Variants in PRMT9 observed in about 807,000 individuals in gnomAD.
PRMT9 encodes the protein protein arginine methyltransferase 9.
A neutral mutation model predicts 83.2 loss-of-function variants in PRMT9; 59 were observed. That is an observed-to-expected ratio of 0.71 (90% CI 0.57 to 0.88). The LOEUF is 0.88. Among genes scored for constraint, PRMT9 ranks in the 40% least tolerant of loss-of-function variants. The pLI, the probability that PRMT9 is intolerant of heterozygous loss-of-function variation, is 0.00. For synonymous variants in PRMT9, 333 were observed against 353.2 expected, an observed-to-expected ratio of 0.94 and a Z score of 0.64; for missense variants, 947 against 1,021.9, an observed-to-expected ratio of 0.93 and a Z score of 1.00.
chr4:147,641,605 C>A (rs1253122922), intron 10 of PRMT9, among the ~76,000 whole-genome samples: 1 of 152,154 alleles, frequency 6.6e-6, no homozygotes, highest in Non-Finnish European at 1.5e-5. Flanking sequence ...ATGCTAAATC[C>A]ACGAGAGAGT....
chr4:147,646,036 G>A (rs758260137), intron 9 of PRMT9, among the ~76,000 whole-genome samples: 4 of 152,088 alleles, frequency 2.6e-5, no homozygotes, highest in Non-Finnish European at 2.9e-5. Context: ...TAGGTAGTCT[G>A]GTAGAAATTC....
intron 3 of PRMT9, among the ~76,000 whole-genome samples, chr4:147,673,405 TAA>T (rs1399842365): frequency 6.6e-6 from 1 of 152,124 alleles, no homozygotes; most frequent in Non-Finnish European, 1.5e-5. Context: ...AATGTTAACA[TAA>T]AAAAGACTCA....
chr4:147,667,966 A>G (rs1735454162), intron 6 of PRMT9, among the ~76,000 whole-genome samples: 1 of 146,964 alleles, frequency 6.8e-6, no homozygotes, highest in South Asian at 2.2e-4. Context: ...AACTGGCTTT[A>G]ACCATGAAGT....
chr4:147,677,043 CA>C (rs1176356042), intron 2 of PRMT9, among the ~76,000 whole-genome samples: 7,768 of 56,606 alleles, frequency 0.14, 333 homozygotes, highest in East Asian at 0.34. Context: ...GACTCCGTCT[CA>C]AAAAAAAAAA....
intron 2 of PRMT9, among the ~76,000 whole-genome samples, chr4:147,675,116 G>T (rs1367319457): frequency 6.6e-6 from 1 of 152,104 alleles, no homozygotes; most frequent in African/African-American, 2.4e-5. Flanking sequence ...AAGTAGCTGG[G>T]ATTACAGGAA....
intron 9 of PRMT9, among the ~76,000 whole-genome samples, chr4:147,647,383 C>G (rs1733798172): frequency 6.6e-6 from 1 of 152,006 alleles, no homozygotes; most frequent in African/African-American, 2.4e-5. Context: ...TGATTTCATC[C>G]CCAACCAATC....
intron 9 of PRMT9, among the ~76,000 whole-genome samples, chr4:147,644,019 G>C (rs1179915571): frequency 6.6e-6 from 1 of 152,106 alleles, no homozygotes; most frequent in Non-Finnish European, 1.5e-5. Context: ...AAACAAAAAA[G>C]CTACAAAGGA....
intron 10 of PRMT9, among the ~76,000 whole-genome samples, chr4:147,639,725 G>A (rs1733253285): frequency 6.6e-6 from 1 of 152,094 alleles, no homozygotes; most frequent in African/African-American, 2.4e-5. Flanking sequence ...TAATACTAAT[G>A]ATTTTTAGCC....
rs747860731 is a variant in PRMT9 at position 147,654,015 on chromosome 4, A to C, written c.1882T>G (p.Phe628Val). The C allele has an allele frequency of 6.2e-7, 1 of 1,614,246 alleles. No individual in the cohort carries two copies. Among genetic ancestry groups the C allele is most frequent in the South Asian group, 1.1e-5 (1 of 91,084 alleles). Reference protein sequence around the residue: ...ALDLISEANHFPKETLEFWLR... With the variant: ...ALDLISEANHVPKETLEFWLR... ...CAAAACTCAAGTGTTTCTTTAGGAA[A>C]GTGATTGGCTTCAGATATGAGGTCC... The change falls in exon 9 of 12, where the codon TTT becomes GTT. Residue 628 changes from phenylalanine (F) to valine (V), a missense_variant. Coordinates refer to ENST00000322396, the MANE Select transcript of PRMT9 (RefSeq NM_138364.4).
intron 10 of PRMT9, among the ~76,000 whole-genome samples, chr4:147,642,020 GCT>G (rs1164110543): frequency 2.0e-5 from 3 of 152,034 alleles, no homozygotes; most frequent in Admixed American, 6.6e-5. Flanking sequence ...TTTTCCTTGA[GCT>G]CTGTTTTCCT....
At chr4:147,663,522 C>T (rs1007663909) in intron 6 of PRMT9, among the ~76,000 whole-genome samples, 9 of 152,014 alleles carry the variant, frequency 5.9e-5, no homozygotes, top group Non-Finnish European at 1.2e-4. Context: ...CATGCCACCA[C>T]GCCCAGCTAA....
intron 11 of PRMT9, 53 bp from the exon 12 acceptor site, chr4:147,638,800 A>C: frequency 2.1e-6 from 3 of 1,410,158 alleles, no homozygotes; most frequent in East Asian, 2.4e-5. Flanking sequence ...GTAGACTTAG[A>C]TAAGTCTCTT....
chr4:147,644,849 C>T (rs1300879055), intron 9 of PRMT9, among the ~76,000 whole-genome samples: 2 of 152,304 alleles, frequency 1.3e-5, no homozygotes, highest in Admixed American at 1.3e-4. Context: ...TACTGACATC[C>T]AGTGAAATGG....
intron 1 of PRMT9, among the ~76,000 whole-genome samples, chr4:147,681,534 C>T (rs1170307967): frequency 6.6e-6 from 1 of 152,142 alleles, no homozygotes; most frequent in African/African-American, 2.4e-5. Flanking sequence ...TGCCTGTAAT[C>T]CCAGCCCTTT....
chr4:147,667,851 C>A (rs2126622547), intron 6 of PRMT9, among the ~76,000 whole-genome samples: 1 of 152,220 alleles, frequency 6.6e-6, no homozygotes, highest in African/African-American at 2.4e-5. Context: ...TGGAATCTTT[C>A]ATTCCAACTT....
chr4:147,667,427 T>C (rs932749426), intron 6 of PRMT9, among the ~76,000 whole-genome samples: 2 of 152,126 alleles, frequency 1.3e-5, no homozygotes, highest in Admixed American at 1.3e-4. Context: ...TTAAACAAAA[T>C]TAAATTTACA....
At chr4:147,649,984 T>C (rs539654821) in intron 9 of PRMT9, among the ~76,000 whole-genome samples, 1 of 152,290 alleles carries the variant, frequency 6.6e-6, no homozygotes, top group African/African-American at 2.4e-5. Flanking sequence ...ACACTTTCAT[T>C]ATAAAAGCAT....
chr4:147,677,562 T>C (rs746467123), intron 2 of PRMT9, among the ~76,000 whole-genome samples: 1 of 150,500 alleles, frequency 6.6e-6, no homozygotes, highest in Non-Finnish European at 1.5e-5. Context: ...CAAGCAATTT[T>C]CCTACCTCAG....
At chr4:147,665,037 C>T (rs1735229297) in intron 6 of PRMT9, among the ~76,000 whole-genome samples, 1 of 146,228 alleles carries the variant, frequency 6.8e-6, no homozygotes, top group South Asian at 2.2e-4. Flanking sequence ...AGGAGAATCA[C>T]TTGAACATGG....
Sources: allele counts gnomAD v4.1 joint callset (sites outside exome capture counted in the v4.1 genomes callset), GRCh38; gene constraint gnomAD v4.1.1; transcripts MANE v1.5; gene names NCBI Gene and HGNC (gene_info 2026-07-23, HGNC 2026-07-21).